The following SGCZ variants were observed in gnomAD, a reference collection of about 807,000 sequenced individuals.
The protein encoded by SGCZ is sarcoglycan zeta.
SGCZ carries 40 observed loss-of-function variants against 41.3 expected under a neutral mutation model. That is an observed-to-expected ratio of 0.97 (90% CI 0.75 to 1.26). The LOEUF is 1.26. SGCZ is among the 50% of genes most tolerant of loss of function. The pLI, the probability that SGCZ is intolerant of heterozygous loss-of-function variation, is 0.00. For synonymous variants in SGCZ, 206 were observed against 137.5 expected (o/e 1.50, Z -3.49); for missense variants, 552 against 369.8 (o/e 1.49, Z -4.04).
At chr8:14,749,720 GT>G (rs35508634) in intron 1 of SGCZ, among the ~76,000 whole-genome samples, 3,786 of 151,706 alleles carry the variant, frequency 0.025, 161 homozygotes, top group African/African-American at 0.087. Flanking sequence ...AATGCAGTAA[GT>G]TTTTTTTTAA....
chr8:14,827,323 G>C (rs1450336943), intron 1 of SGCZ, among the ~76,000 whole-genome samples: 1 of 144,858 alleles, frequency 6.9e-6, no homozygotes. Flanking sequence ...TGCAACTTCT[G>C]TCTCCCAGGT....
At chr8:14,127,658 G>A (rs1033131377) in intron 5 of SGCZ, among the ~76,000 whole-genome samples, 13 of 151,990 alleles carry the variant, frequency 8.6e-5, no homozygotes, top group African/African-American at 2.7e-4. Context: ...TGGTTTCACC[G>A]TGTTAGCCAG....
At chr8:14,815,192 G>A (rs547680049) in intron 1 of SGCZ, among the ~76,000 whole-genome samples, 129 of 151,210 alleles carry the variant, frequency 8.5e-4, no homozygotes, top group East Asian at 9.7e-4. Context: ...GTAGACTGCT[G>A]AAATTTTTCT....
intron 1 of SGCZ, among the ~76,000 whole-genome samples, chr8:14,571,980 A>C (rs1027513440): frequency 2.0e-5 from 3 of 152,346 alleles, no homozygotes; most frequent in East Asian, 3.9e-4. Flanking sequence ...AAATAATAAC[A>C]ATTATCTGAT....
At chr8:14,812,697 A>G (rs971697270) in intron 1 of SGCZ, among the ~76,000 whole-genome samples, 5 of 152,164 alleles carry the variant, frequency 3.3e-5, no homozygotes, top group African/African-American at 1.2e-4. Flanking sequence ...AATTAAGATG[A>G]TTCTGGAGAC....
chr8:14,322,583 G>C (rs1563256596), intron 3 of SGCZ, among the ~76,000 whole-genome samples: 4 of 152,050 alleles, frequency 2.6e-5, no homozygotes, highest in Non-Finnish European at 2.9e-5. Flanking sequence ...CCTGCCTGCT[G>C]GTAGAGGGTT....
At chr8:14,172,741 GGA>G (rs779629483) in intron 4 of SGCZ, among the ~76,000 whole-genome samples, 22 of 152,078 alleles carry the variant, frequency 1.4e-4, no homozygotes, top group Non-Finnish European at 3.1e-4. Context: ...GCTAGCAGGA[GGA>G]GAGATGAGAT....
chr8:15,026,321 A>C (rs1454000602), intron 1 of SGCZ, among the ~76,000 whole-genome samples: 1 of 152,192 alleles, frequency 6.6e-6, no homozygotes, highest in East Asian at 1.9e-4. Context: ...TGTCCTACAA[A>C]GTTATATTTG....
intron 1 of SGCZ, among the ~76,000 whole-genome samples, chr8:14,648,968 C>T (rs1376087667): frequency 6.6e-6 from 1 of 152,012 alleles, no homozygotes; most frequent in Admixed American, 6.6e-5. Flanking sequence ...TATCTCCTCC[C>T]TCATTTCAAA....
At chr8:14,429,858 G>A (rs76226359) in intron 2 of SGCZ, among the ~76,000 whole-genome samples, 2 of 151,948 alleles carry the variant, frequency 1.3e-5, no homozygotes, top group Non-Finnish European at 1.5e-5. Flanking sequence ...TCTGTTAAGG[G>A]TATCTAATTC....
At chr8:14,661,651 T>C (rs550977759) in intron 1 of SGCZ, among the ~76,000 whole-genome samples, 29 of 152,242 alleles carry the variant, frequency 1.9e-4, no homozygotes, top group African/African-American at 6.7e-4. Context: ...ACAGTGGGAA[T>C]TCAGAGCTCT....
chr8:14,744,122 A>C (rs1799277118), intron 1 of SGCZ, among the ~76,000 whole-genome samples: 1 of 151,912 alleles, frequency 6.6e-6, no homozygotes, highest in South Asian at 2.1e-4. Flanking sequence ...AATTTAAAAA[A>C]CAAACAAACA....
At chr8:14,986,049 T>C (rs1025303290) in intron 1 of SGCZ, among the ~76,000 whole-genome samples, 2 of 151,738 alleles carry the variant, frequency 1.3e-5, no homozygotes, top group African/African-American at 4.8e-5. Flanking sequence ...TTTGATATTA[T>C]GCATTACAGT....
chr8:14,302,091 AG>A (rs750587580), intron 3 of SGCZ, among the ~76,000 whole-genome samples: 4 of 152,176 alleles, frequency 2.6e-5, no homozygotes, highest in Admixed American at 1.3e-4. Flanking sequence ...TACAACTTAA[AG>A]GTGCATGCAT....
At chr8:14,410,902 T>C (rs1799342836) in intron 2 of SGCZ, among the ~76,000 whole-genome samples, 1 of 152,132 alleles carries the variant, frequency 6.6e-6, no homozygotes, top group Admixed American at 6.6e-5. Context: ...AGCAGAAATG[T>C]TTAGTTTGTT....
intron 1 of SGCZ, among the ~76,000 whole-genome samples, chr8:14,746,971 C>T (rs907818281): frequency 2.0e-5 from 3 of 152,128 alleles, no homozygotes; most frequent in Non-Finnish European, 4.4e-5. Flanking sequence ...GCATTCATAC[C>T]TGATACAGTT....
chr8:14,655,163 A>C (rs1362015261), intron 1 of SGCZ, among the ~76,000 whole-genome samples: 1 of 152,118 alleles, frequency 6.6e-6, no homozygotes, highest in Non-Finnish European at 1.5e-5. Flanking sequence ...AGAGAAAGAA[A>C]ACTACATGAT....
intron 1 of SGCZ, among the ~76,000 whole-genome samples, chr8:15,144,069 C>T (rs193040554): frequency 1.5e-3 from 1 of 646 alleles, no homozygotes; most frequent in African/African-American, 1.6e-3. Flanking sequence ...TGAGCCACCG[C>T]GCCCGGCCCT....
intron 3 of SGCZ, among the ~76,000 whole-genome samples, chr8:14,313,908 CTCTGTGTGTGTG>C (rs1227478897): frequency 5.6e-5 from 5 of 88,718 alleles, no homozygotes; most frequent in Admixed American, 1.1e-4. Flanking sequence ...TATATCATCT[CTCTGTGTGTGTG>C]TGTGTGTGTG....
Sources: allele counts gnomAD v4.1 joint callset (sites outside exome capture counted in the v4.1 genomes callset), GRCh38; gene constraint gnomAD v4.1.1; transcripts MANE v1.5; gene names NCBI Gene and HGNC (gene_info 2026-07-23, HGNC 2026-07-21).